The following ATL1 variants were observed in gnomAD, a reference collection of about 807,000 sequenced individuals.
ATL1 encodes the protein atlastin GTPase 1.
Under a neutral mutation model 75.5 loss-of-function variants are expected in ATL1, and 31 were observed. The ratio of observed to expected loss-of-function variants is 0.41; its 90% CI spans 0.31 to 0.55. The LOEUF is 0.55. Among genes scored for constraint, ATL1 ranks in the 20% least tolerant of loss-of-function variants. The probability of loss-of-function intolerance (pLI) is 0.27; values close to 1 mark genes in which losing one functional copy is unlikely to be tolerated. For missense variants in ATL1, 405 were observed against 662.6 expected, an observed-to-expected ratio of 0.61 and a Z score of 4.27; for synonymous variants, 226 against 233.3, an observed-to-expected ratio of 0.97 and a Z score of 0.28.
chr14:50,586,427 T>C (rs988166654), intron 1 of ATL1, among the ~76,000 whole-genome samples: 4 of 152,188 alleles, frequency 2.6e-5, no homozygotes, highest in African/African-American at 9.7e-5. Context: ...AAAGGGGCTC[T>C]GGTTCCTTAA....
intron 8 of ATL1, 73 bp from the exon 9 acceptor site, chr14:50,620,526 G>T: frequency 6.6e-7 from 1 of 1,504,238 alleles, no homozygotes; most frequent in Non-Finnish European, 9.1e-7. Flanking sequence ...GGAGATCAAA[G>T]GATGTTTTAT....
At chr14:50,584,009 G>A (rs1168529281) in intron 1 of ATL1, among the ~76,000 whole-genome samples, 1 of 152,132 alleles carries the variant, frequency 6.6e-6, no homozygotes, top group Non-Finnish European at 1.5e-5. Context: ...AAAAAGAAAT[G>A]GCTTTTATCT....
rs1467073290 is a variant in ATL1 at position 50,544,959 on chromosome 14, AAAAG to A, written c.-140+11595_-140+11598del. On this transcript the variant is annotated intron_variant, in intron 1 of 13. Coordinates refer to the ATL1 transcript ENST00000441560. ...CTCAAAAAAAAAAAAAAAAAAAAAA[AAAAG>A]AAGCCAACTATAATGTAACAGGTCC... 2.0e-4 allele frequency among the ~76,000 whole-genome samples: 30 copies of A among 151,020 alleles called. No individual in the cohort carries two copies. The East Asian group carries it at 5.1e-3, about 26-fold the overall frequency.
At chr14:50,589,126 G>A (rs1208151553) in intron 2 of ATL1, among the ~76,000 whole-genome samples, 1 of 149,508 alleles carries the variant, frequency 6.7e-6, no homozygotes, top group East Asian at 2.0e-4. Context: ...GTGATATGGT[G>A]ACAGATATAT....
intron 1 of ATL1, among the ~76,000 whole-genome samples, chr14:50,534,269 G>C (rs757141008): frequency 6.6e-6 from 1 of 152,118 alleles, no homozygotes; most frequent in Non-Finnish European, 1.5e-5. Context: ...AAATAAGTGG[G>C]CAAACTAGTA....
intron 1 of ATL1, among the ~76,000 whole-genome samples, chr14:50,550,100 C>T (rs114352875): frequency 6.6e-6 from 1 of 152,258 alleles, no homozygotes; most frequent in African/African-American, 2.4e-5. Flanking sequence ...CCCAGCTGTA[C>T]TCTTTGAGGG....
intron 11 of ATL1, 36 bp downstream of exon 11, chr14:50,623,284 A>G (rs1347218657): frequency 6.6e-7 from 1 of 1,522,308 alleles, no homozygotes; most frequent in Non-Finnish European, 9.1e-7. Flanking sequence ...GTCTTAAACA[A>G]AACCAGTATC....
At chr14:50,616,459 T>G (rs973945006) in intron 8 of ATL1, among the ~76,000 whole-genome samples, 27 of 5,420 alleles carry the variant, frequency 5.0e-3, no homozygotes, top group African/African-American at 0.027. Context: ...TGCCCGGTTA[T>G]TTATTTATTT....
chr14:50,560,797 C>A lies in ATL1; in HGVS notation c.34+498C>A, dbSNP rs994140775. Among the ~76,000 whole-genome samples the A allele has an allele frequency of 3.3e-5, 5 of 152,244 alleles. No homozygotes were observed. The East Asian group carries it at 7.8e-4, about 24-fold the overall frequency. Reference sequence around the variant, plus strand: ...GCTCCCGGCGGCGGGCGGCGGGCGGCGCGCTGGAACAATGAGGCGGAGCGC... The same window carrying A: ...GCTCCCGGCGGCGGGCGGCGGGCGGAGCGCTGGAACAATGAGGCGGAGCGC... On this transcript the variant is annotated intron_variant, in intron 1 of 13. Coordinates refer to ENST00000358385, the MANE Select transcript of ATL1 (RefSeq NM_015915.5).
rs573463008 is a variant in ATL1, at chr14:50,591,388, T to C, written c.418-147T>C. ...TAATCAGCTGTTAATATTTTTATTT[T>C]CTGTGGCATTCATGGCATGTGTAAG... On this transcript the variant is annotated intron_variant, in intron 3 of 13. Coordinates refer to ENST00000358385, the MANE Select transcript of ATL1 (RefSeq NM_015915.5). 1.2e-4 allele frequency: 74 copies of C among 636,088 alleles called. No homozygotes were observed. In the African/African-American group the frequency reaches 1.3e-3, roughly 11 times the overall value. The allele number at this position is 636,088 out of a possible 1,614,324, so 39.4% of individuals were successfully genotyped here. A position where few individuals can be genotyped will look rare whatever the true frequency, so the allele number is the denominator to read the frequency against.
At chr14:50,581,853 A>G (rs908857016) in intron 1 of ATL1, among the ~76,000 whole-genome samples, 1 of 152,206 alleles carries the variant, frequency 6.6e-6, no homozygotes, top group Non-Finnish European at 1.5e-5. Flanking sequence ...TCAAATCTGC[A>G]TATTTACTGA....
At chr14:50,593,968 G>T in intron 5 of ATL1, 72 bp downstream of exon 5, 1 of 1,155,430 alleles carries the variant, frequency 8.7e-7, no homozygotes, top group South Asian at 1.2e-5. Flanking sequence ...TTTGGGGAAT[G>T]ATTTCAAAAC....
rs749736195 is a variant in ATL1, at chr14:50,628,390, T to C, written c.1479T>C (p.Tyr493=). The C allele has an allele frequency of 1.4e-5, 22 of 1,614,064 alleles. No homozygotes were observed. The highest frequency in any genetic ancestry group is 2.2e-5 in the East Asian group (1 of 44,886). ...LTLITLCTWA[Y]IRYSGEYREL... ...TTATCACCCTGTGCACTTGGGCATA[T>C]ATCCGGTACTCTGGAGAATACCGAG... Residue 493 remains tyrosine, a synonymous_variant, in exon 12 of 14, where the codon TAT becomes TAC. Coordinates refer to ENST00000358385, the MANE Select transcript of ATL1 (RefSeq NM_015915.5).
chr14:50,571,747 G>T (rs571829401), intron 1 of ATL1, among the ~76,000 whole-genome samples: 76 of 152,064 alleles, frequency 5.0e-4, no homozygotes, highest in African/African-American at 1.6e-3. Flanking sequence ...TACAATATTT[G>T]CAAGCATGTT....
intron 1 of ATL1, among the ~76,000 whole-genome samples, chr14:50,538,546 T>G (rs1393332979): frequency 2.0e-5 from 3 of 152,242 alleles, no homozygotes; most frequent in Non-Finnish European, 4.4e-5. Flanking sequence ...ACACTGTTCC[T>G]TATTGGTTTC....
chr14:50,610,180 CTT>C (rs2039350750), intron 6 of ATL1, among the ~76,000 whole-genome samples: 1 of 152,018 alleles, frequency 6.6e-6, no homozygotes, highest in African/African-American at 2.4e-5. Flanking sequence ...AGAGAAAAAA[CTT>C]TTCTCGAATA....
At chr14:50,558,623 A>G (rs2038794136), upstream of ATL1, among the ~76,000 whole-genome samples, 1 of 152,182 alleles carries the variant, frequency 6.6e-6, no homozygotes, top group African/African-American at 2.4e-5. Context: ...TCAATTGGGC[A>G]TAGGTGTTGA....
At chr14:50,544,655 G>A (rs1328894354) in intron 1 of ATL1, among the ~76,000 whole-genome samples, 3 of 152,134 alleles carry the variant, frequency 2.0e-5, no homozygotes, top group Non-Finnish European at 4.4e-5. Flanking sequence ...TAAGGTGGCT[G>A]GGCGATGGTG....
At chr14:50,551,460 G>A (rs2140160404) in intron 1 of ATL1, among the ~76,000 whole-genome samples, 1 of 152,156 alleles carries the variant, frequency 6.6e-6, no homozygotes, top group East Asian at 1.9e-4. Flanking sequence ...AGAAGAATTG[G>A]TACCAATTCT....
Sources: allele counts gnomAD v4.1 joint callset (sites outside exome capture counted in the v4.1 genomes callset), GRCh38; gene constraint gnomAD v4.1.1; transcripts MANE v1.5; gene names NCBI Gene and HGNC (gene_info 2026-07-23, HGNC 2026-07-21).